The following PLCH2 variants were observed in gnomAD, a reference collection of about 807,000 sequenced individuals.
PLCH2 encodes the protein phospholipase C eta 2.
A neutral mutation model predicts 134.7 loss-of-function variants in PLCH2; 98 were observed. The ratio of observed to expected loss-of-function variants is 0.73; its 90% CI spans 0.62 to 0.86. The LOEUF (loss-of-function observed/expected upper bound fraction) is 0.86, where lower values mean the gene tolerates loss of function less well. Ranked by LOEUF, PLCH2 falls within the 40% of genes least tolerant of loss-of-function variation. PLCH2 has a pLI of 0.00. For synonymous variants in PLCH2, 974 were observed against 827.5 expected, an observed-to-expected ratio of 1.18 and a Z score of -3.04; for missense variants, 1,994 against 1,986.6, an observed-to-expected ratio of 1.00 and a Z score of -0.07.
At chr1:2,473,334 G>T (rs770861774), upstream of PLCH2, among the ~76,000 whole-genome samples, 1 of 152,180 alleles carries the variant, frequency 6.6e-6, no homozygotes, top group Non-Finnish European at 1.5e-5. Flanking sequence ...CCCAGGTGCG[G>T]GGGCTGAGCC....
Position 2,489,805 on chromosome 1 carries a change from G to A in PLCH2, c.1453G>A (p.Glu485Lys). 1.2e-6 allele frequency: 2 copies of A among 1,613,764 alleles called. No individual in the cohort carries two copies. Among genetic ancestry groups the A allele is most frequent in the Non-Finnish European group, 1.7e-6 (2 of 1,179,844 alleles). The change falls in exon 10 of 22, where the codon GAG becomes AAG. Residue 485 changes from glutamate (E) to lysine (K), a missense_variant. Coordinates refer to ENST00000378486, the MANE Select transcript of PLCH2 (RefSeq NM_014638.4). Reference protein sequence around the residue: ...ANISEDAEEGEVSDEDSADEI... With the variant: ...ANISEDAEEGKVSDEDSADEI... ...CATCAGCGAGGATGCGGAGGAAGGC[G>A]AGGTGTCTGATGAGGACAGTGCTGA...
intron 2 of PLCH2, among the ~76,000 whole-genome samples, chr1:2,441,682 C>T (rs1639699089): frequency 6.6e-6 from 1 of 152,190 alleles, no homozygotes; most frequent in Admixed American, 6.5e-5. Context: ...CAGGAGCCAG[C>T]ACCCCGGGAG....
intron 2 of PLCH2, among the ~76,000 whole-genome samples, chr1:2,441,329 A>G (rs1639683042): frequency 6.6e-6 from 1 of 152,192 alleles, no homozygotes. Context: ...CAGGCGTCGC[A>G]TCCGGCCTGG....
rs1035237476 is a variant in PLCH2, at chr1:2,505,186, T to C, written c.4224T>C (p.Ala1408=). Residue 1408 remains alanine (A), a synonymous_variant, in exon 22 of 22, where the codon GCT becomes GCC. Transcript: ENST00000378486. ...KGALGPASAA[A]ENLVLLRL ...CCCTCGGGCCAGCATCCGCGGCTGC[T>C]GAAAACCTGGTCCTGCTCCGCCTCT... 3 of 1,572,500 alleles carry C rather than the reference T, an allele frequency of 1.9e-6. No individual in the cohort carries two copies. Among genetic ancestry groups the C allele is most frequent in the African/African-American group, 1.3e-5 (1 of 74,078 alleles).
At position 2,499,152 on chromosome 1, in the gene PLCH2, T is replaced by C; in HGVS notation, c.2503T>C (p.Phe835Leu). Residue 835 changes from phenylalanine to leucine, a missense_variant, in exon 19 of 22, where the codon TTC becomes CTC. By Grantham distance (22) the Phe-to-Leu change is conservative. Around this residue, in one of 2 missense-constraint regions of PLCH2, gnomAD observed 1,094 missense variants for 1,234.3 expected, o/e 0.89. Coordinates refer to ENST00000378486, the MANE Select transcript of PLCH2 (RefSeq NM_014638.4). Reference protein sequence around the residue: ...VHMPEIALVRFLVWDHDPIGR... With the variant: ...VHMPEIALVRLLVWDHDPIGR... ...CATGCCGGAGATCGCGCTGGTCCGC[T>C]TCCTCGTCTGGGACCACGATCCCAT... 1 of 1,613,154 alleles carries C rather than the reference T, an allele frequency of 6.2e-7. No homozygotes were observed. The highest frequency in any genetic ancestry group is 8.5e-7 in the Non-Finnish European group (1 of 1,179,774).
chr1:2,476,716 A>G lies in PLCH2; in HGVS notation c.124+4A>G. On this transcript the variant is annotated splice_donor_region_variant and intron_variant, in intron 1 of 21. Coordinates refer to ENST00000378486, the MANE Select transcript of PLCH2 (RefSeq NM_014638.4). The stretch of plus-strand genomic sequence containing the variant: ...GAGTGGCAGCTCGGCCCCCTGGGTA[A>G]GAAGGGGCAGGCGAGTGGCCTGGGC... 1 of 1,603,932 alleles carries G rather than the reference A, an allele frequency of 6.2e-7. No homozygotes were observed. Among genetic ancestry groups the G allele is most frequent in the South Asian group, 1.1e-5 (1 of 90,040 alleles).
chr1:2,468,721 G>A (rs571211929), intron 1 of PLCH2, among the ~76,000 whole-genome samples: 4 of 152,332 alleles, frequency 2.6e-5, no homozygotes, highest in African/African-American at 9.6e-5. Context: ...TGATTGGCAT[G>A]GACACGTGGG....
the PLCH2 span, among the ~76,000 whole-genome samples, chr1:2,417,573 C>G: frequency 6.6e-6 from 1 of 152,210 alleles, no homozygotes; most frequent in African/African-American, 2.4e-5. Flanking sequence ...ATGGCGTCCA[C>G]TCTGGATGTG....
rs372024742 is a variant in PLCH2, at chr1:2,458,760, A to G, written c.116-19716A>G. On this transcript the variant is annotated intron_variant, in intron 2 of 3. Coordinates refer to the PLCH2 transcript ENST00000609981. ...AGTATGGGCAGCCCCCCAAAGACCCATCTGCACAGGGATGATCTCGAGGCC... is the reference window on the plus strand; with the variant it reads ...AGTATGGGCAGCCCCCCAAAGACCCGTCTGCACAGGGATGATCTCGAGGCC... Among the ~76,000 whole-genome samples the G allele has an allele frequency of 1.5e-3, 223 of 152,230 alleles. 1 individual carries two copies. The highest frequency in any genetic ancestry group is 5.2e-3 in the African/African-American group (217 of 41,542).
intron 2 of PLCH2, among the ~76,000 whole-genome samples, chr1:2,451,825 C>CG (rs1206551874): frequency 1.1e-4 from 16 of 149,658 alleles, no homozygotes; most frequent in Admixed American, 6.0e-4. Context: ...TCTGGGCTGC[C>CG]GGGGGGGCGG....
rs115677415 is a variant in PLCH2, at chr1:2,440,065, T to G, written c.115+9436T>G. Among the ~76,000 whole-genome samples the G allele has an allele frequency of 2.7e-3, 417 of 151,926 alleles. 3 individuals are homozygous for G. The highest frequency in any genetic ancestry group is 8.7e-3 in the African/African-American group (360 of 41,426). ...GGAGTCAGGCTTGGTGGAGTGTCTA[T>G]GAGGGAAGGGCAAACAGGGTAGAGA... is the stretch of plus-strand genomic sequence containing the variant. On this transcript the variant is annotated intron_variant, in intron 2 of 3. Transcript: ENST00000609981.
At chr1:2,468,208 CA>C in intron 1 of PLCH2, among the ~76,000 whole-genome samples, 1 of 152,252 alleles carries the variant, frequency 6.6e-6, no homozygotes, top group Admixed American at 6.5e-5. Flanking sequence ...GCACCATGGA[CA>C]GGGGCAGCTG....
chr1:2,478,371 C>T, intron 1 of PLCH2, 105 bp from the exon 2 acceptor site: 4 of 1,397,296 alleles, frequency 2.9e-6, no homozygotes, highest in Non-Finnish European at 4.0e-6. Context: ...CCGCTGACGG[C>T]CGTGTTTCTC....
At position 2,478,477 on chromosome 1, in the gene PLCH2, G is replaced by A; in HGVS notation, c.126G>A (p.Val42=). The part of the protein sequence containing the change: ...LSSEWQLGPL[V]ERCMGAMQEG... Reference sequence around the variant, plus strand: ...CAGCCGTGTCTCTCCCGTGTCCAGTGGAGCGGTGCATGGGTGCCATGCAAG... The same window carrying A: ...CAGCCGTGTCTCTCCCGTGTCCAGTAGAGCGGTGCATGGGTGCCATGCAAG... The change falls in exon 2 of 22, where the codon GTG becomes GTA. Residue 42 remains valine (V), a splice_region_variant and synonymous_variant. Coordinates refer to ENST00000378486, the MANE Select transcript of PLCH2 (RefSeq NM_014638.4). The A allele has an allele frequency of 6.2e-7, 1 of 1,612,692 alleles. No individual in the cohort carries two copies. Among genetic ancestry groups the A allele is most frequent in the Non-Finnish European group, 8.5e-7 (1 of 1,179,768 alleles).
At chr1:2,419,289 A>G in the PLCH2 span, among the ~76,000 whole-genome samples, 932 of 152,170 alleles carry the variant, frequency 6.1e-3, 6 homozygotes, top group Non-Finnish European at 9.5e-3. Flanking sequence ...CCGTAAATCC[A>G]TCTATCCCCT....
rs779116938 is a variant in PLCH2 at position 2,489,740 on chromosome 1, T to C, written c.1408-20T>C. 2 of 1,589,732 alleles carry C rather than the reference T, an allele frequency of 1.3e-6. No homozygotes were observed. Among genetic ancestry groups the C allele is most frequent in the Admixed American group, 1.7e-5 (1 of 59,980 alleles). ...AGCATTTTCTCCAGGGCCCCTCCCA[T>C]CATGCACCTCCTCCCCCAGGGGAAG... On this transcript the variant is annotated intron_variant, in intron 9 of 21. Coordinates refer to ENST00000378486, the MANE Select transcript of PLCH2 (RefSeq NM_014638.4).
At chr1:2,486,777 G>C (rs1642308371) in intron 5 of PLCH2, 130 bp from the exon 6 acceptor site, 1 of 715,508 alleles carries the variant, frequency 1.4e-6, no homozygotes, top group Admixed American at 2.2e-5. Context: ...TGTGACACTG[G>C]AGCTGGCTGG....
chr1:2,490,301 C>T (rs551032849), intron 10 of PLCH2, among the ~76,000 whole-genome samples: 1 of 152,314 alleles, frequency 6.6e-6, no homozygotes, highest in African/African-American at 2.4e-5. Flanking sequence ...GGTAGTACTG[C>T]CCAGCCACCC....
chr1:2,476,549 T>C lies in PLCH2; in HGVS notation c.-40T>C. 3 of 1,460,186 alleles carry C rather than the reference T, an allele frequency of 2.1e-6. No homozygotes were observed. Among genetic ancestry groups the C allele is most frequent in the Non-Finnish European group, 2.7e-6 (3 of 1,111,156 alleles). 90.5% of individuals were successfully genotyped at this position (1,460,186 alleles called of 1,614,324 possible). On this transcript the variant is annotated 5_prime_UTR_variant, in exon 1 of 22. Transcript: ENST00000378486. ...TCCGCTGCCCGAAGGCCGGTGGGCC[T>C]CTGTGGCCTCCGTGAAGCAGGCCCG...
Sources: allele counts gnomAD v4.1 joint callset (sites outside exome capture counted in the v4.1 genomes callset), GRCh38; gene constraint gnomAD v4.1.1; regional missense constraint gnomAD v4.1.1; transcripts MANE v1.5; gene names NCBI Gene and HGNC (gene_info 2026-07-23, HGNC 2026-07-21).